The following CCSER1 variants were observed in gnomAD, a reference collection of about 807,000 sequenced individuals.
The protein encoded by CCSER1 is serine-rich coiled-coil domain-containing protein 1.
CCSER1 carries 41 observed loss-of-function variants against 82.0 expected under a neutral mutation model. The ratio of observed to expected loss-of-function variants is 0.50; its 90% CI spans 0.39 to 0.65. CCSER1 has a LOEUF of 0.65. Among genes scored for constraint, CCSER1 ranks in the 30% least tolerant of loss-of-function variants. The pLI is 0.00. For synonymous variants in CCSER1, 414 were observed against 383.9 expected (o/e 1.08, Z -0.92); for missense variants, 1,119 against 1,064.2 (o/e 1.05, Z -0.72).
chr4:90,879,959 T>A (rs1721047557), intron 8 of CCSER1, among the ~76,000 whole-genome samples: 1 of 152,148 alleles, frequency 6.6e-6, no homozygotes, highest in Admixed American at 6.5e-5. Flanking sequence ...TGAAGCTGAT[T>A]TTTTGTCTCT....
At chr4:91,299,937 G>A (rs956888898) in intron 10 of CCSER1, among the ~76,000 whole-genome samples, 8 of 151,866 alleles carry the variant, frequency 5.3e-5, no homozygotes, top group Admixed American at 6.6e-5. Flanking sequence ...GGAAGACACC[G>A]TGCGAGAAGT....
intron 10 of CCSER1, among the ~76,000 whole-genome samples, chr4:91,530,041 G>A (rs1459312447): frequency 3.9e-5 from 6 of 152,020 alleles, no homozygotes; most frequent in Non-Finnish European, 7.4e-5. Flanking sequence ...ATCTGAAGAA[G>A]CAAATGCTTT....
intron 10 of CCSER1, among the ~76,000 whole-genome samples, chr4:91,187,328 T>G (rs1734639648): frequency 6.6e-6 from 1 of 152,212 alleles, no homozygotes; most frequent in Admixed American, 6.5e-5. Context: ...ATCTGTCCAT[T>G]TCTTTTTACC....
intron 8 of CCSER1, among the ~76,000 whole-genome samples, chr4:90,922,007 T>C (rs1023804382): frequency 6.6e-6 from 1 of 152,040 alleles, no homozygotes; most frequent in Non-Finnish European, 1.5e-5. Context: ...CATTTTTACT[T>C]ATCTTTTTCA....
At chr4:91,256,291 T>C (rs1740676762) in intron 10 of CCSER1, among the ~76,000 whole-genome samples, 1 of 152,170 alleles carries the variant, frequency 6.6e-6, no homozygotes, top group South Asian at 2.1e-4. Context: ...ACCGGTTCTC[T>C]GCTCTCGAAC....
At chr4:91,034,506 C>A (rs1741262783) in intron 9 of CCSER1, among the ~76,000 whole-genome samples, 2 of 151,492 alleles carry the variant, frequency 1.3e-5, no homozygotes, top group Admixed American at 1.3e-4. Flanking sequence ...CTTTACACAT[C>A]CTTAATTATA....
chr4:90,830,469 A>C (rs183646297), intron 8 of CCSER1, among the ~76,000 whole-genome samples: 2 of 152,326 alleles, frequency 1.3e-5, no homozygotes, highest in East Asian at 1.9e-4. Context: ...TAGCATACAC[A>C]GACTTGTGGA....
chr4:90,778,688 T>C (rs1363624799), intron 7 of CCSER1, among the ~76,000 whole-genome samples: 2 of 152,104 alleles, frequency 1.3e-5, no homozygotes. Context: ...ATGAACTACA[T>C]GTGGGATACC....
intron 6 of CCSER1, among the ~76,000 whole-genome samples, chr4:90,684,710 A>G (rs1291126098): frequency 2.0e-5 from 3 of 152,076 alleles, no homozygotes; most frequent in African/African-American, 7.2e-5. Context: ...TTGAATTCCC[A>G]CCTGTTGTGG....
chr4:91,367,997 A>T (rs1204855954), intron 10 of CCSER1, among the ~76,000 whole-genome samples: 1 of 152,206 alleles, frequency 6.6e-6, no homozygotes, highest in African/African-American at 2.4e-5. Context: ...CTCTGTTATT[A>T]CATAAAATAT....
At chr4:90,217,657 T>C (rs1741325102) in intron 1 of CCSER1, among the ~76,000 whole-genome samples, 1 of 152,140 alleles carries the variant, frequency 6.6e-6, no homozygotes, top group African/African-American at 2.4e-5. Flanking sequence ...AGAGTAGGCA[T>C]TTTTTGTCTT....
At chr4:90,596,174 A>G (rs1783307284) in intron 5 of CCSER1, among the ~76,000 whole-genome samples, 1 of 151,980 alleles carries the variant, frequency 6.6e-6, no homozygotes, top group Admixed American at 6.6e-5. Context: ...ATTAAACTAC[A>G]AGAATTAAAA....
At position 91,516,306 on chromosome 4, in the gene CCSER1, T is replaced by C. The variant is rs145256673; in HGVS notation, c.2218-82266T>C. Among the ~76,000 whole-genome samples, 804 of 152,244 alleles carry C rather than the reference T, an allele frequency of 5.3e-3. 10 individuals are homozygous for C. Among genetic ancestry groups the C allele is most frequent in the African/African-American group, 0.019 (780 of 41,564 alleles). On this transcript the variant is annotated intron_variant, in intron 10 of 10. Transcript: ENST00000509176. ...CCAGTTTCTATATCCAGATGGTATT[T>C]CCTAGGTTATTTTCCAGAGTTTTTA... is the stretch of plus-strand genomic sequence containing the variant.
rs566333419 is a variant in CCSER1, at chr4:91,161,695, C to T, written c.2217+75701C>T. Among the ~76,000 whole-genome samples, 6 of 152,066 alleles carry T rather than the reference C, an allele frequency of 3.9e-5. No homozygotes were observed. In the South Asian group the frequency reaches 1.2e-3, roughly 32 times the overall value. ...GAAAGGGAGTTCACTCATGATTTGG[C>T]TCTCTGTTTGTCTGTTATTGGTGTG... is the stretch of plus-strand genomic sequence containing the variant. On this transcript the variant is annotated intron_variant, in intron 10 of 10. Transcript: ENST00000509176.
At chr4:91,145,071 C>A (rs1274764919) in intron 10 of CCSER1, among the ~76,000 whole-genome samples, 1 of 151,996 alleles carries the variant, frequency 6.6e-6, no homozygotes, top group Non-Finnish European at 1.5e-5. Context: ...AAAATATCCC[C>A]TATTATTCTG....
At chr4:91,314,765 CA>C (rs1745713378) in intron 10 of CCSER1, among the ~76,000 whole-genome samples, 1 of 151,876 alleles carries the variant, frequency 6.6e-6, no homozygotes, top group Non-Finnish European at 1.5e-5. Context: ...TCCATCATAC[CA>C]AATATGGATA....
At chr4:90,684,147 A>C (rs903824471) in intron 6 of CCSER1, among the ~76,000 whole-genome samples, 1 of 152,162 alleles carries the variant, frequency 6.6e-6, no homozygotes, top group African/African-American at 2.4e-5. Context: ...TCATAGTTAC[A>C]GTTTTATGCA....
At chr4:90,179,659 A>C (rs1733350654) in intron 1 of CCSER1, among the ~76,000 whole-genome samples, 1 of 152,250 alleles carries the variant, frequency 6.6e-6, no homozygotes, top group Non-Finnish European at 1.5e-5. Flanking sequence ...TTGGGATTAC[A>C]GGCGTGAGCC....
chr4:91,457,603 G>T (rs762182770), intron 10 of CCSER1, among the ~76,000 whole-genome samples: 1 of 152,066 alleles, frequency 6.6e-6, no homozygotes, highest in East Asian at 1.9e-4. Context: ...CCAGGAGGTC[G>T]AGGCTGAAGT....
Sources: allele counts gnomAD v4.1 joint callset (sites outside exome capture counted in the v4.1 genomes callset), GRCh38; gene constraint gnomAD v4.1.1; transcripts MANE v1.5; gene names NCBI Gene and HGNC (gene_info 2026-07-23, HGNC 2026-07-21).